Variants in HS6ST2 observed in about 807,000 individuals in gnomAD.
HS6ST2 encodes heparan sulfate 6-O-sulfotransferase 2, also known as heparan-sulfate 6-O-sulfotransferase 2.
Under a neutral mutation model 33.0 loss-of-function variants are expected in HS6ST2, and 17 were observed. The ratio of observed to expected loss-of-function variants is 0.52; its 90% CI spans 0.35 to 0.77. HS6ST2 has a LOEUF of 0.77. HS6ST2 is among the 30% of genes least tolerant of loss of function. The pLI is 0.01. For missense variants in HS6ST2, 519 were observed against 551.7 expected (o/e 0.94, Z 0.59); for synonymous variants, 248 against 237.1 (o/e 1.05, Z -0.42).
chrX:132,657,249 T>C (rs1207057049), intron 4 of HS6ST2, among the ~76,000 whole-genome samples: 1 of 111,208 alleles, frequency 9.0e-6, no homozygotes, highest in Non-Finnish European at 1.9e-5. Context: ...CACCACCAAG[T>C]GGGGGAATAG....
rs764644284 is a variant in HS6ST2 at position 132,665,434 on chromosome X, C to A, written c.1067+3679G>T. ...GGAAAGTGACTTACCTTTCTTGAGT[C>A]TCAGTGTCCTTGTGTTCAGCAAAAT... On this transcript the variant is annotated intron_variant, in intron 4 of 4. Transcript: ENST00000370833. Among the ~76,000 whole-genome samples the A allele has an allele frequency of 1.2e-4, 13 of 111,812 alleles. No individual in the cohort carries two copies. The East Asian group carries it at 3.1e-3, about 27-fold the overall frequency.
chrX:132,798,346 A>G, intron 2 of HS6ST2, among the ~76,000 whole-genome samples: 1 of 110,755 alleles, frequency 9.0e-6, no homozygotes, highest in East Asian at 2.9e-4. Context: ...AGGAACAGGG[A>G]CCTCCTGGGG....
chrX:132,923,915 A>C (rs773155791), intron 2 of HS6ST2, among the ~76,000 whole-genome samples: 1 of 112,097 alleles, frequency 8.9e-6, no homozygotes, highest in Non-Finnish European at 1.9e-5. Context: ...AAGTCCATAA[A>C]ATTTTTGCAT....
intron 2 of HS6ST2, among the ~76,000 whole-genome samples, chrX:132,951,565 G>A (rs774256545): frequency 8.9e-6 from 1 of 111,829 alleles, no homozygotes; most frequent in Non-Finnish European, 1.9e-5. Context: ...AAGACACTGA[G>A]ACCAAGGGAA....
At chrX:132,922,647 C>T (rs1444749223) in intron 2 of HS6ST2, among the ~76,000 whole-genome samples, 1 of 111,814 alleles carries the variant, frequency 8.9e-6, no homozygotes, top group Non-Finnish European at 1.9e-5. Context: ...CCAAGGTGGT[C>T]GCGGTGCAGC....
At chrX:132,788,113 C>G (rs1245194771) in intron 2 of HS6ST2, among the ~76,000 whole-genome samples, 1 of 111,282 alleles carries the variant, frequency 9.0e-6, no homozygotes, top group Admixed American at 9.6e-5. Flanking sequence ...AAAGTAGAGA[C>G]AAGCATACCT....
chrX:132,900,556 ATAAATTAAT>A (rs2066417688), intron 2 of HS6ST2, among the ~76,000 whole-genome samples: 1 of 111,400 alleles, frequency 9.0e-6, no homozygotes, highest in Non-Finnish European at 1.9e-5. Flanking sequence ...TCTCTAATAA[ATAAATTAAT>A]TAAATAATAC....
chrX:132,894,243 G>A (rs781568532), intron 2 of HS6ST2, among the ~76,000 whole-genome samples: 91 of 103,350 alleles, frequency 8.8e-4, no homozygotes, highest in African/African-American at 3.2e-3. Context: ...CTGGGTTCAA[G>A]CGATTCTTGT....
chrX:132,636,539 C>T (rs1047332440), intron 4 of HS6ST2, among the ~76,000 whole-genome samples: 11 of 112,055 alleles, frequency 9.8e-5, no homozygotes, highest in Non-Finnish European at 1.7e-4. Flanking sequence ...GTCCTACACT[C>T]GTCAGAACAG....
At chrX:132,882,225 A>G (rs368026251) in intron 2 of HS6ST2, among the ~76,000 whole-genome samples, 3 of 111,437 alleles carry the variant, frequency 2.7e-5, no homozygotes, top group East Asian at 2.8e-4. Flanking sequence ...CAGTATGGCC[A>G]TTTTCACAAT....
chrX:132,642,256 A>C (rs760485291), intron 4 of HS6ST2, among the ~76,000 whole-genome samples: 1 of 111,517 alleles, frequency 9.0e-6, no homozygotes, highest in East Asian at 2.8e-4. Flanking sequence ...GCTTTGGAGA[A>C]ATCGTTAGAG....
upstream of HS6ST2, chrX:132,961,161 G>T (rs748699023): frequency 2.8e-5 from 3 of 107,597 alleles, no homozygotes; most frequent in African/African-American, 6.8e-5. Context: ...AGAACTGGCC[G>T]AACTGTCAAG....
At chrX:132,847,708 C>T (rs997861239) in intron 2 of HS6ST2, among the ~76,000 whole-genome samples, 2 of 111,289 alleles carry the variant, frequency 1.8e-5, no homozygotes, top group Admixed American at 1.9e-4. Context: ...AGAATCAAAT[C>T]CATGTTATCA....
intron 3 of HS6ST2, among the ~76,000 whole-genome samples, chrX:132,677,490 C>T (rs1006325982): frequency 8.9e-6 from 1 of 112,246 alleles, no homozygotes; most frequent in African/African-American, 3.2e-5. Context: ...ATCACACTTG[C>T]CATATACAAG....
At chrX:132,910,460 A>G (rs2066521269) in intron 2 of HS6ST2, among the ~76,000 whole-genome samples, 1 of 111,917 alleles carries the variant, frequency 8.9e-6, no homozygotes, top group African/African-American at 3.3e-5. Context: ...CTCAGTGAGC[A>G]ATGTAAAGGC....
At chrX:132,819,445 T>G (rs1318594073) in intron 2 of HS6ST2, among the ~76,000 whole-genome samples, 3 of 111,657 alleles carry the variant, frequency 2.7e-5, no homozygotes, top group African/African-American at 9.8e-5. Context: ...AGTACAACGG[T>G]CTGGCACACT....
rs772579270 is a variant in HS6ST2 at position 132,878,828 on chromosome X, C to T, written c.947+77980G>A. 6.9e-4 allele frequency among the ~76,000 whole-genome samples: 77 copies of T among 111,230 alleles called. 1 individual carries two copies. The highest frequency in any genetic ancestry group is 1.8e-3 in the African/African-American group (54 of 30,665). ...AATCAGACAATTTTCTTGGATATTA[C>T]GACTCTAATATAGAGCACCACAAAA... is the stretch of plus-strand genomic sequence containing the variant. On this transcript the variant is annotated intron_variant, in intron 2 of 4. Coordinates refer to ENST00000370833, the MANE Select transcript of HS6ST2 (RefSeq NM_001394073.1).
At chrX:132,683,541 G>A (rs1162069640) in intron 3 of HS6ST2, among the ~76,000 whole-genome samples, 2 of 112,051 alleles carry the variant, frequency 1.8e-5, no homozygotes, top group Non-Finnish European at 3.8e-5. Context: ...AGTGCTGGAA[G>A]GTTCTGGTTT....
At chrX:132,781,755 A>G (rs1415226597) in intron 2 of HS6ST2, among the ~76,000 whole-genome samples, 1 of 111,430 alleles carries the variant, frequency 9.0e-6, no homozygotes, top group Non-Finnish European at 1.9e-5. Context: ...CTACTTATAA[A>G]ACCATCCGAT....
Sources: gnomAD v4.1 joint callset for allele counts (sites outside exome capture counted in the v4.1 genomes callset) on GRCh38, gnomAD v4.1.1 for gene constraint, MANE v1.5 for transcripts, NCBI Gene and HGNC (gene_info 2026-07-23, HGNC 2026-07-21) for gene names.